The following COMMD10 variants were observed in gnomAD, a reference collection of about 807,000 sequenced individuals.
The protein encoded by COMMD10 is COMM domain-containing protein 10.
Under a neutral mutation model 28.9 loss-of-function variants are expected in COMMD10, and 33 were observed. The observed-to-expected ratio is 1.14, with a 90% confidence interval of 0.87 to 1.53. The LOEUF (loss-of-function observed/expected upper bound fraction) is 1.53. Ranked by LOEUF, COMMD10 falls within the 40% of genes most tolerant of loss-of-function variation. The pLI is 0.00. For synonymous variants in COMMD10, 110 were observed against 81.7 expected (o/e 1.35, Z -1.87); for missense variants, 310 against 233.4 (o/e 1.33, Z -2.14).
chr5:116,095,102 T>G (rs1750424934), intron 4 of COMMD10, among the ~76,000 whole-genome samples: 1 of 152,142 alleles, frequency 6.6e-6, no homozygotes, highest in South Asian at 2.1e-4. Context: ...AGTTTAATGT[T>G]TGATAGTTTA....
intron 5 of COMMD10, among the ~76,000 whole-genome samples, chr5:116,275,821 T>C (rs890458629): frequency 6.6e-6 from 1 of 151,706 alleles, no homozygotes; most frequent in Non-Finnish European, 1.5e-5. Flanking sequence ...AAACTGCTAA[T>C]GGCCAGATTT....
intron 4 of COMMD10, among the ~76,000 whole-genome samples, chr5:116,098,728 T>G (rs546186153): frequency 5.2e-4 from 79 of 152,316 alleles, no homozygotes; most frequent in Non-Finnish European, 8.8e-4. Context: ...ACTGTGATTC[T>G]GAATTCAAAG....
At position 116,257,159 on chromosome 5, in the gene COMMD10, A is replaced by G. The variant is rs563560307; in HGVS notation, c.511-34358A>G. Reference sequence around the variant, plus strand: ...GATGAGGAGACCTTCTGAATAAACTATGTCCTGTGTTCCTGCATTTTGACA... The same window carrying G: ...GATGAGGAGACCTTCTGAATAAACTGTGTCCTGTGTTCCTGCATTTTGACA... On this transcript the variant is annotated intron_variant, in intron 5 of 6. Transcript: ENST00000274458. Among the ~76,000 whole-genome samples, 267 of 151,638 alleles carry G rather than the reference A, an allele frequency of 1.8e-3. 4 individuals carry two copies. The highest frequency in any genetic ancestry group is 5.9e-3 in the African/African-American group (242 of 41,108).
At chr5:116,148,954 A>G (rs1302097497) in intron 5 of COMMD10, among the ~76,000 whole-genome samples, 1 of 149,692 alleles carries the variant, frequency 6.7e-6, no homozygotes. Context: ...GCACCCAATA[A>G]CTCATCATGT....
In COMMD10 at chr5:116,150,399, C is replaced by T. The variant is rs563151323; in HGVS notation, c.510+16221C>T. On this transcript the variant is annotated intron_variant, in intron 5 of 6. Transcript: ENST00000274458. ...TTTTTTCCAATTCTGTGAAGAAAGT[C>T]ACTGGTAGCTTGATGGGGATGGCAT... Among the ~76,000 whole-genome samples the T allele has an allele frequency of 2.3e-3, 344 of 152,290 alleles. 4 individuals are homozygous for T. Among genetic ancestry groups the T allele is most frequent in the African/African-American group, 8.0e-3 (332 of 41,570 alleles).
chr5:116,189,466 C>T (rs1748273112), intron 5 of COMMD10, among the ~76,000 whole-genome samples: 2 of 152,088 alleles, frequency 1.3e-5, no homozygotes, highest in Admixed American at 1.3e-4. Context: ...GCTTCCTAAC[C>T]TTCTTTAGTG....
At chr5:116,218,933 A>G (rs931068199) in intron 5 of COMMD10, among the ~76,000 whole-genome samples, 1 of 152,114 alleles carries the variant, frequency 6.6e-6, no homozygotes, top group African/African-American at 2.4e-5. Flanking sequence ...GTCACTCCCA[A>G]TGTGTCTGTA....
At chr5:116,227,040 T>C (rs1184592287) in intron 5 of COMMD10, among the ~76,000 whole-genome samples, 2 of 152,030 alleles carry the variant, frequency 1.3e-5, no homozygotes, top group Non-Finnish European at 2.9e-5. Context: ...TCTGATTCAC[T>C]CTCCCCCTCT....
rs558212437 is a variant in COMMD10 at position 116,262,842 on chromosome 5, G to C, written c.511-28675G>C. 3.3e-5 allele frequency among the ~76,000 whole-genome samples: 5 copies of C among 151,774 alleles called. No homozygotes were observed. The South Asian group carries it at 1.0e-3, about 31-fold the overall frequency. ...TCTATGTCAAATATGTTACAATCTG[G>C]TATTTAAAATGGCCACTGTAAGTAT... is the stretch of plus-strand genomic sequence containing the variant. On this transcript the variant is annotated intron_variant, in intron 5 of 6. Coordinates refer to ENST00000274458, the MANE Select transcript of COMMD10 (RefSeq NM_016144.4).
At chr5:116,275,379 G>A (rs535657051) in intron 5 of COMMD10, among the ~76,000 whole-genome samples, 1 of 151,810 alleles carries the variant, frequency 6.6e-6, no homozygotes, top group East Asian at 1.9e-4. Flanking sequence ...TTATCTTTCA[G>A]GTATCAGATT....
chr5:116,206,844 A>G (rs992935270), intron 5 of COMMD10, among the ~76,000 whole-genome samples: 9 of 152,138 alleles, frequency 5.9e-5, no homozygotes, highest in African/African-American at 2.2e-4. Context: ...CCAGTGTGGG[A>G]TATTCAATCT....
intron 5 of COMMD10, among the ~76,000 whole-genome samples, chr5:116,241,248 TG>T (rs1240568132): frequency 1.3e-5 from 2 of 152,176 alleles, no homozygotes; most frequent in Admixed American, 1.3e-4. Context: ...TAACCGTAGG[TG>T]GACATTTCTT....
At chr5:116,150,622 G>A (rs1403197766) in intron 5 of COMMD10, among the ~76,000 whole-genome samples, 2 of 140,506 alleles carry the variant, frequency 1.4e-5, no homozygotes, top group Admixed American at 7.0e-5. Flanking sequence ...TGAAGCAATT[G>A]TGAATGGGAG....
chr5:116,110,671 G>A (rs974026630), intron 4 of COMMD10, among the ~76,000 whole-genome samples: 3 of 152,094 alleles, frequency 2.0e-5, no homozygotes, highest in African/African-American at 7.2e-5. Flanking sequence ...AGGTTTAATT[G>A]GCTTATGGTT....
chr5:116,273,078 T>G (rs1750801922), intron 5 of COMMD10, among the ~76,000 whole-genome samples: 1 of 151,896 alleles, frequency 6.6e-6, no homozygotes, highest in African/African-American at 2.4e-5. Flanking sequence ...ATCTTAAATG[T>G]GATGCTTGTT....
At chr5:116,174,909 C>A (rs1753452751) in intron 5 of COMMD10, among the ~76,000 whole-genome samples, 2 of 152,218 alleles carry the variant, frequency 1.3e-5, no homozygotes, top group South Asian at 2.1e-4. Context: ...GTTTGAAACT[C>A]CTTTAAGCAA....
chr5:116,137,768 A>G lies in COMMD10; in HGVS notation c.510+3590A>G, dbSNP rs538860403. Reference sequence around the variant, plus strand: ...TTTGACTGTGGTCTCCTTTCTTAGAACACTTCTGTCTCGAGGCTTTCCTGT... The same window carrying G: ...TTTGACTGTGGTCTCCTTTCTTAGAGCACTTCTGTCTCGAGGCTTTCCTGT... On this transcript the variant is annotated intron_variant, in intron 5 of 6. Coordinates refer to ENST00000274458, the MANE Select transcript of COMMD10 (RefSeq NM_016144.4). Among the ~76,000 whole-genome samples the G allele has an allele frequency of 9.2e-5, 14 of 152,046 alleles. No individual in the cohort carries two copies. In the South Asian group the frequency reaches 2.7e-3, roughly 29 times the overall value.
chr5:116,149,664 G>A (rs1343522039), intron 5 of COMMD10, among the ~76,000 whole-genome samples: 3 of 151,138 alleles, frequency 2.0e-5, no homozygotes, highest in Non-Finnish European at 2.9e-5. Context: ...CTTTTGAGAA[G>A]TGTCTGTTCA....
At chr5:116,193,517 G>A (rs964767151) in intron 5 of COMMD10, among the ~76,000 whole-genome samples, 11 of 152,072 alleles carry the variant, frequency 7.2e-5, no homozygotes, top group Admixed American at 2.6e-4. Flanking sequence ...AAGCAAATAG[G>A]GAAAGCTACT....
Sources: gnomAD v4.1 joint callset for allele counts (sites outside exome capture counted in the v4.1 genomes callset) on GRCh38, gnomAD v4.1.1 for gene constraint, MANE v1.5 for transcripts, NCBI Gene and HGNC (gene_info 2026-07-23, HGNC 2026-07-21) for gene names.